MAX: variants seen among roughly 807,000 people sequenced by gnomAD.
The protein encoded by MAX is protein max.
Under a neutral mutation model 22.3 loss-of-function variants are expected in MAX, and 3 were observed. The observed-to-expected ratio is 0.13, with a 90% CI of 0.06 to 0.35. The LOEUF (loss-of-function observed/expected upper bound fraction) is 0.35. MAX is among the 10% of genes least tolerant of loss of function. MAX has a pLI of 1.00. For missense variants in MAX, 119 were observed against 209.4 expected (o/e 0.57, Z 2.66); for synonymous variants, 72 against 77.7 (o/e 0.93, Z 0.39).
rs576001440 is a variant in MAX, at chr14:65,037,402, CCTTTTTTTTTTTTTTTT to C, written c.172-31135_172-31119del. The stretch of plus-strand genomic sequence containing the variant: ...ATAGGCGTGAGCCACCACGCCGGGC[CCTTTTTTTTTTTTTTTT>C]TTTTTTTTTTTTTTTTTTTTTTTTT... On this transcript the variant is annotated intron_variant, in intron 3 of 3. Transcript: ENST00000341653. Among the ~76,000 whole-genome samples the C allele has an allele frequency of 7.9e-3, 115 of 14,522 alleles. 12 individuals carry two copies. Among genetic ancestry groups the C allele is most frequent in the Admixed American group, 0.018 (25 of 1,410 alleles). The allele number at this position is 14,522 out of a possible 152,430, so 9.5% of individuals were successfully genotyped here.
downstream of MAX, among the ~76,000 whole-genome samples, chr14:65,070,232 C>T (rs779714490): frequency 1.3e-5 from 2 of 152,334 alleles, no homozygotes; most frequent in Non-Finnish European, 1.5e-5. The surrounding 1 kb of genome is among the most constrained non-coding windows in gnomAD (Gnocchi z 4.4). Flanking sequence ...TATCAGTCTA[C>T]AGGCTGTCAG....
rs546006873 is a variant in MAX at position 65,076,503 on chromosome 14, C to T, written c.456G>A (p.Arg152=). ...AGCTGGCCTCCATCCGGAGCTTCTTCCTGCTTTGGGGCTCTTCAGGCTCAG... is the reference window on the plus strand; with the variant it reads ...AGCTGGCCTCCATCCGGAGCTTCTTTCTGCTTTGGGGCTCTTCAGGCTCAG... ...SESEPEEPQS[R]KKLRMEAS is the part of the protein sequence containing the mutation. The change falls in exon 5 of 5, where the codon AGG becomes AGA. Residue 152 remains arginine, a synonymous_variant. Transcript: ENST00000358664. This position sits in a 1 kb window ranked among gnomAD's most constrained non-coding sequence, Gnocchi z 6.6. The T allele has an allele frequency of 1.9e-6, 3 of 1,613,874 alleles. No individual in the cohort carries two copies. Among genetic ancestry groups the T allele is most frequent in the Admixed American group, 3.3e-5 (2 of 60,026 alleles).
chr14:65,084,300 C>T lies in MAX; in HGVS notation c.172-6264G>A. 1 of 1,494,078 alleles carries T rather than the reference C, an allele frequency of 6.7e-7. No individual in the cohort carries two copies. Among genetic ancestry groups the T allele is most frequent in the South Asian group, 1.1e-5 (1 of 88,722 alleles). 92.6% of individuals were successfully genotyped at this position (1,494,078 alleles called of 1,614,324 possible). ...ACAATTTCCAAAAGAGGAAATAGAG[C>T]TAGTAAATAAACATGTGGAAAAGCA... is the stretch of plus-strand genomic sequence containing the variant. On this transcript the variant is annotated intron_variant, in intron 3 of 4. Coordinates refer to ENST00000358664, the MANE Select transcript of MAX (RefSeq NM_002382.5). The surrounding 1 kb of genome is among the most constrained non-coding windows in gnomAD (Gnocchi z 4.3).
chr14:65,015,416 T>TC, intron 3 of MAX: 10 of 284,472 alleles, frequency 3.5e-5, no homozygotes, highest in Middle Eastern at 1.1e-3. Context: ...TTATCTTTTT[T>TC]TTTTTTTTTT....
upstream of MAX, chr14:65,102,526 G>A (rs1018128221): frequency 8.3e-6 from 12 of 1,451,320 alleles, no homozygotes; most frequent in African/African-American, 4.2e-5. Context: ...CTGCAGCACC[G>A]GATCAACGGC....
chr14:65,016,138 G>A (rs950804249), intron 3 of MAX, among the ~76,000 whole-genome samples: 4 of 152,112 alleles, frequency 2.6e-5, no homozygotes, highest in Admixed American at 1.3e-4. Flanking sequence ...GTACCTCCCC[G>A]CTCCCGGTGC....
intron 3 of MAX, among the ~76,000 whole-genome samples, chr14:65,034,364 A>G (rs776107892): frequency 6.6e-5 from 10 of 152,236 alleles, no homozygotes; most frequent in African/African-American, 1.2e-4. Context: ...GTACTCCAAC[A>G]GATCCCAAAA....
At chr14:65,073,981 A>T (rs2063013806), downstream of MAX, among the ~76,000 whole-genome samples, 1 of 152,228 alleles carries the variant, frequency 6.6e-6, no homozygotes, top group Admixed American at 6.5e-5. Context: ...CACTGGAGCC[A>T]GGGACTGGCT....
downstream of MAX, among the ~76,000 whole-genome samples, chr14:65,071,595 T>C (rs1234676010): frequency 6.6e-6 from 1 of 152,268 alleles, no homozygotes; most frequent in African/African-American, 2.4e-5. This position sits in a 1 kb window ranked among gnomAD's most constrained non-coding sequence, Gnocchi z 4.2. Context: ...ACAATGGCAC[T>C]TGGTGCTATT....
Position 65,076,970 on chromosome 14 carries a change from T to G in MAX, c.296-307A>C, listed in dbSNP as rs1293109316. 5 of 555,028 alleles carry G rather than the reference T, an allele frequency of 9.0e-6. No individual in the cohort carries two copies. Among genetic ancestry groups the G allele is most frequent in the Non-Finnish European group, 1.6e-5 (5 of 310,260 alleles). The allele number at this position is 555,028 out of a possible 1,614,324, so 34.4% of individuals were successfully genotyped here. A position where few individuals can be genotyped will look rare whatever the true frequency, so the allele number is the denominator to read the frequency against. ...GAGAGACTGGAGCGTGAGCTCCCTG[T>G]GGGATTCAGCAGTGCAATAACAGAG... is the stretch of plus-strand genomic sequence containing the variant. On this transcript the variant is annotated intron_variant, in intron 4 of 4. Coordinates refer to ENST00000358664, the MANE Select transcript of MAX (RefSeq NM_002382.5). The surrounding 1 kb of genome is among the most constrained non-coding windows in gnomAD (Gnocchi z 6.6).
rs530627139 is a variant in MAX, at chr14:65,014,825, C to G, written c.172-8541G>C. Among the ~76,000 whole-genome samples, 1 of 151,950 alleles carries G rather than the reference C, an allele frequency of 6.6e-6. No homozygotes were observed. Among genetic ancestry groups the G allele is most frequent in the Non-Finnish European group, 1.5e-5 (1 of 67,982 alleles). ...CGAGACCCTGTCTCAAAAAAATAAA[C>G]GGTAGAAACCAAATTTTATTATCAT... On this transcript the variant is annotated intron_variant, in intron 3 of 3. Transcript: ENST00000341653. This position sits in a 1 kb window ranked among gnomAD's most constrained non-coding sequence, Gnocchi z 5.1.
chr14:65,101,861 C>T (rs922904343), intron 1 of MAX, among the ~76,000 whole-genome samples: 1 of 152,180 alleles, frequency 6.6e-6, no homozygotes, highest in Non-Finnish European at 1.5e-5. Flanking sequence ...CATCTAGGCA[C>T]CCCCAACCCC....
At chr14:65,053,322 C>CGG in intron 3 of MAX, 2 of 1,437,342 alleles carry the variant, frequency 1.4e-6, no homozygotes, top group Non-Finnish European at 9.2e-7. Flanking sequence ...CAGTGCCCTG[C>CGG]GGGGGGGCTT....
chr14:65,102,639 C>T, upstream of MAX: 1 of 1,150,744 alleles, frequency 8.7e-7, no homozygotes. Context: ...CCGGGTAGCT[C>T]CAGAAAAACT....
chr14:65,057,835 C>T (rs1382939402), intron 3 of MAX, among the ~76,000 whole-genome samples: 1 of 152,210 alleles, frequency 6.6e-6, no homozygotes, highest in African/African-American at 2.4e-5. Flanking sequence ...ATGTGTATCT[C>T]ATGTGTACCA....
chr14:65,041,987 CTT>C (rs1423576353), intron 3 of MAX, among the ~76,000 whole-genome samples: 2 of 152,156 alleles, frequency 1.3e-5, no homozygotes, highest in Non-Finnish European at 2.9e-5. Flanking sequence ...TGTCTAATCT[CTT>C]TTAGCTTGAT....
At chr14:65,100,642 T>C (rs1415871333) in intron 2 of MAX, among the ~76,000 whole-genome samples, 1 of 152,178 alleles carries the variant, frequency 6.6e-6, no homozygotes, top group African/African-American at 2.4e-5. Flanking sequence ...TTTACCCCCA[T>C]TCTATACATT....
intron 3 of MAX, among the ~76,000 whole-genome samples, chr14:65,038,148 C>T (rs558744478): frequency 1.4e-4 from 21 of 152,254 alleles, no homozygotes; most frequent in East Asian, 3.9e-4. Flanking sequence ...TGGTGGCTCA[C>T]GCCTGTAATC....
intron 3 of MAX, among the ~76,000 whole-genome samples, chr14:65,058,157 CTTCTT>C (rs1199198433): frequency 1.3e-5 from 2 of 151,372 alleles, no homozygotes; most frequent in Non-Finnish European, 2.9e-5. Flanking sequence ...AGAGAACTGA[CTTCTT>C]TTCAATATTT....
Sources: allele counts gnomAD v4.1 joint callset (sites outside exome capture counted in the v4.1 genomes callset), GRCh38; gene constraint gnomAD v4.1.1; non-coding constraint Gnocchi (gnomAD v3.1); transcripts MANE v1.5; gene names NCBI Gene and HGNC (gene_info 2026-07-23, HGNC 2026-07-21).